The following GPM6B variants were observed in gnomAD, a reference collection of about 807,000 sequenced individuals.
GPM6B encodes the protein glycoprotein M6B.
GPM6B carries 4 observed loss-of-function variants against 27.2 expected under a neutral mutation model. The observed-to-expected ratio is 0.15, with a 90% CI of 0.07 to 0.34. The LOEUF is 0.34. Among genes scored for constraint, GPM6B ranks in the 10% least tolerant of loss-of-function variants. GPM6B has a pLI of 1.00. For missense variants in GPM6B, 183 were observed against 261.9 expected (o/e 0.70, Z 2.08); for synonymous variants, 124 against 103.1 (o/e 1.20, Z -1.23).
At chrX:13,846,723 G>A (rs2049651787) in intron 1 of GPM6B, among the ~76,000 whole-genome samples, 1 of 106,104 alleles carries the variant, frequency 9.4e-6, no homozygotes, top group African/African-American at 3.5e-5. Context: ...TCGATCTCCT[G>A]ACCTTATGAT....
At chrX:13,778,927 G>C (rs772231361) in intron 5 of GPM6B, among the ~76,000 whole-genome samples, 14 of 112,048 alleles carry the variant, frequency 1.2e-4, no homozygotes, top group African/African-American at 4.5e-4. Flanking sequence ...AAGATGTTGA[G>C]ACTAAGCCAC....
chrX:13,863,879 A>G (rs1041307705), intron 1 of GPM6B, among the ~76,000 whole-genome samples: 2 of 112,868 alleles, frequency 1.8e-5, no homozygotes, highest in African/African-American at 6.4e-5. Context: ...AAATGGTGAA[A>G]GGAATCAGAG....
chrX:13,920,279 AAAAAAAAAAGAAAGAAAGAAAG>A (rs1432206252), intron 1 of GPM6B, among the ~76,000 whole-genome samples: 1 of 83,150 alleles, frequency 1.2e-5, no homozygotes, highest in Non-Finnish European at 2.6e-5. Context: ...AAAAAAAAAA[AAAAAAAAAAGAAAGAAAGAAAG>A]AAAAAAAAAG....
chrX:13,831,437 G>T (rs2147217298), intron 1 of GPM6B, among the ~76,000 whole-genome samples: 1 of 111,086 alleles, frequency 9.0e-6, no homozygotes, highest in African/African-American at 3.3e-5. Context: ...CTGGCTCTAA[G>T]ATACGCTAGG....
chrX:13,843,349 G>A (rs1401284295), intron 1 of GPM6B, among the ~76,000 whole-genome samples: 1 of 112,165 alleles, frequency 8.9e-6, no homozygotes, highest in Admixed American at 9.4e-5. Flanking sequence ...ATCAGTTGAT[G>A]GACATTTGAG....
chrX:13,804,628 G>A (rs913724927), intron 2 of GPM6B, among the ~76,000 whole-genome samples: 7 of 110,606 alleles, frequency 6.3e-5, no homozygotes, highest in African/African-American at 2.3e-4. Flanking sequence ...CCCTGGAACC[G>A]CCATGACCTT....
chrX:13,938,008 C>G (rs1921922921), intron 1 of GPM6B, among the ~76,000 whole-genome samples: 1 of 111,529 alleles, frequency 9.0e-6, no homozygotes, highest in South Asian at 3.8e-4. Context: ...AATGAGCTCC[C>G]GGAAGACCCC....
chrX:13,923,717 T>C (rs1459768250), intron 1 of GPM6B, among the ~76,000 whole-genome samples: 1 of 112,548 alleles, frequency 8.9e-6, no homozygotes, highest in African/African-American at 3.2e-5. Context: ...TGGGTTACTT[T>C]AGCTGTATCG....
chrX:13,843,577 TCA>T (rs1231854532), intron 1 of GPM6B, among the ~76,000 whole-genome samples: 1 of 112,413 alleles, frequency 8.9e-6, no homozygotes, highest in Non-Finnish European at 1.9e-5. Context: ...TGTGAGGGTT[TCA>T]GTTTCTCCAC....
chrX:13,868,899 G>A (rs1399356447), intron 1 of GPM6B, among the ~76,000 whole-genome samples: 2 of 111,903 alleles, frequency 1.8e-5, no homozygotes, highest in African/African-American at 6.5e-5. Flanking sequence ...ATTCCAAAGT[G>A]GCTAATCATG....
At chrX:13,813,260 C>T (rs2049172096) in intron 1 of GPM6B, among the ~76,000 whole-genome samples, 1 of 108,449 alleles carries the variant, frequency 9.2e-6, no homozygotes, top group African/African-American at 3.4e-5. Flanking sequence ...AAAGTGCATA[C>T]ATTTTGCTAA....
intron 1 of GPM6B, among the ~76,000 whole-genome samples, chrX:13,824,304 G>A (rs1442775140): frequency 8.9e-6 from 1 of 112,346 alleles, no homozygotes; most frequent in African/African-American, 3.2e-5. Flanking sequence ...GCTTTGTCTG[G>A]CTATTGTGAT....
At chrX:13,930,411 G>C (rs1291353807) in intron 1 of GPM6B, among the ~76,000 whole-genome samples, 1 of 110,529 alleles carries the variant, frequency 9.0e-6, no homozygotes, top group African/African-American at 3.3e-5. Context: ...TCAGGAGATC[G>C]AGACCACCCT....
At chrX:13,845,946 A>T (rs189785820) in intron 1 of GPM6B, among the ~76,000 whole-genome samples, 4 of 112,176 alleles carry the variant, frequency 3.6e-5, no homozygotes, top group African/African-American at 1.3e-4. Context: ...TGTCCTACTG[A>T]GGATTCTTGC....
intron 2 of GPM6B, among the ~76,000 whole-genome samples, chrX:13,789,417 T>C (rs1315271644): frequency 8.9e-6 from 1 of 111,882 alleles, no homozygotes; most frequent in Non-Finnish European, 1.9e-5. Flanking sequence ...ATAGGTAATA[T>C]AGGAGCTAGA....
rs149023662 is a variant in GPM6B at position 13,902,039 on chromosome X, T to C, written c.-198+36288A>G. The stretch of plus-strand genomic sequence containing the variant: ...TGTTGGTCTAAATTCATAATTCCTA[T>C]ATGATCATTAAGTTTGTAGCAGAAG... On this transcript the variant is annotated intron_variant, in intron 1 of 6. Coordinates refer to the GPM6B transcript ENST00000398361. Among the ~76,000 whole-genome samples, 782 of 112,147 alleles carry C rather than the reference T, an allele frequency of 7.0e-3. 6 individuals carry two copies. The highest frequency in any genetic ancestry group is 0.024 in the African/African-American group (748 of 30,927).
At chrX:13,812,048 CTTTTT>C (rs1187553585) in intron 1 of GPM6B, among the ~76,000 whole-genome samples, 3 of 88,916 alleles carry the variant, frequency 3.4e-5, no homozygotes, top group Non-Finnish European at 6.5e-5. Flanking sequence ...TCTTTTCTTT[CTTTTT>C]TTTTTTTTTT....
chrX:13,878,515 A>G (rs2050063032), intron 1 of GPM6B, among the ~76,000 whole-genome samples: 1 of 111,978 alleles, frequency 8.9e-6, no homozygotes, highest in African/African-American at 3.2e-5. Context: ...TTTCACATGT[A>G]TCTCCTGTAA....
intron 2 of GPM6B, among the ~76,000 whole-genome samples, chrX:13,787,866 A>G (rs1418784993): frequency 4.4e-5 from 5 of 112,478 alleles, no homozygotes; most frequent in Non-Finnish European, 9.4e-5. Context: ...ATGTTAAGAA[A>G]AAGATGAATG....
Sources: allele counts gnomAD v4.1 joint callset (sites outside exome capture counted in the v4.1 genomes callset), GRCh38; gene constraint gnomAD v4.1.1; transcripts MANE v1.5; gene names NCBI Gene and HGNC (gene_info 2026-07-23, HGNC 2026-07-21).